The following PCDHGA1 variants were observed in gnomAD, a reference collection of about 807,000 sequenced individuals.
PCDHGA1 encodes the protein protocadherin gamma subfamily A, 1.
PCDHGA1 carries 32 observed loss-of-function variants against 58.0 expected under a neutral mutation model. The ratio of observed to expected loss-of-function variants is 0.55; its 90% CI spans 0.42 to 0.74. The LOEUF (loss-of-function observed/expected upper bound fraction) is 0.74, where lower values mean the gene tolerates loss of function less well. Among genes scored for constraint, PCDHGA1 ranks in the 30% least tolerant of loss-of-function variants. PCDHGA1 has a pLI of 0.00. For synonymous variants in PCDHGA1, 498 were observed against 501.1 expected (o/e 0.99, Z 0.08); for missense variants, 1,205 against 1,182.3 (o/e 1.02, Z -0.28).
chr5:141,477,656 C>A lies in PCDHGA1; in HGVS notation c.2422-17151C>A. ...AGTGGGTCGCTATTTCACAATAAAT[C>A]GTGACAATGGCATAGTGTCATCCTT... On this transcript the variant is annotated intron_variant, in intron 1 of 3. Transcript: ENST00000517417. The surrounding 1 kb of genome is among the most constrained non-coding windows in gnomAD (Gnocchi z 4.9). 1 of 1,614,184 alleles carries A rather than the reference C, an allele frequency of 6.2e-7. No homozygotes were observed.
At chr5:141,333,264 C>A in intron 1 of PCDHGA1, 159 bp downstream of exon 1, 1 of 1,006,436 alleles carries the variant, frequency 9.9e-7, no homozygotes, top group Non-Finnish European at 1.4e-6. Context: ...TCTACACGTT[C>A]ATATGCAGGT....
chr5:141,445,389 C>T (rs1484183450), intron 1 of PCDHGA1, among the ~76,000 whole-genome samples: 1 of 152,174 alleles, frequency 6.6e-6, no homozygotes, highest in Non-Finnish European at 1.5e-5. Flanking sequence ...CATTCATTTA[C>T]ATAACAAATA....
chr5:141,423,082 G>A (rs1390567548), intron 1 of PCDHGA1: 3 of 1,614,078 alleles, frequency 1.9e-6, no homozygotes, highest in Admixed American at 1.7e-5. Flanking sequence ...GGGACTCTTC[G>A]CGGTGGGGGA....
At chr5:141,357,235 A>C in intron 1 of PCDHGA1, 1 of 1,613,530 alleles carries the variant, frequency 6.2e-7, no homozygotes, top group Non-Finnish European at 8.5e-7. Context: ...GGGCAGCCTC[A>C]AGCCTTCAGC....
rs2099694486 is a variant in PCDHGA1 at position 141,489,987 on chromosome 5, G to A, written c.2422-4820G>A. The A allele has an allele frequency of 1.2e-6, 2 of 1,614,106 alleles. No homozygotes were observed. The highest frequency in any genetic ancestry group is 1.3e-5 in the African/African-American group (1 of 74,932). The stretch of plus-strand genomic sequence containing the variant: ...CCTTCCAATCCTCAGTTCTACGTGT[G>A]GGAATCCCAGAGAATGCACCCATTG... On this transcript the variant is annotated intron_variant, in intron 1 of 3. Coordinates refer to ENST00000517417, the MANE Select transcript of PCDHGA1 (RefSeq NM_018912.3). The surrounding 1 kb of genome is among the most constrained non-coding windows in gnomAD (Gnocchi z 4.5).
intron 1 of PCDHGA1, chr5:141,478,104 C>T (rs1440105341): frequency 6.2e-7 from 1 of 1,614,118 alleles, no homozygotes; most frequent in South Asian, 1.1e-5. Flanking sequence ...GCTACCCTCA[C>T]TGTGTCAGTA....
chr5:141,331,830 C>T lies in PCDHGA1; in HGVS notation c.1146C>T (p.Thr382=). ...HDQDSGDNGY[T]TCFIPGNLPF... Reference sequence around the variant, plus strand: ...AGGACTCAGGAGACAATGGCTACACCACATGTTTCATTCCTGGAAATTTAC... The same window carrying T: ...AGGACTCAGGAGACAATGGCTACACTACATGTTTCATTCCTGGAAATTTAC... Residue 382 remains threonine, a synonymous_variant, in exon 1 of 4, where the codon ACC becomes ACT. Coordinates refer to ENST00000517417, the MANE Select transcript of PCDHGA1 (RefSeq NM_018912.3). 6.2e-7 allele frequency: 1 copy of T among 1,614,134 alleles called. No homozygotes were observed. Among genetic ancestry groups the T allele is most frequent in the Non-Finnish European group, 8.5e-7 (1 of 1,180,022 alleles).
chr5:141,360,990 C>T (rs1486053605), intron 1 of PCDHGA1: 1 of 1,613,336 alleles, frequency 6.2e-7, no homozygotes, highest in Non-Finnish European at 8.5e-7. Context: ...ATAATGTGGA[C>T]GAACAAGTGA....
rs553673516 is a variant in PCDHGA1, at chr5:141,476,211, T to C, written c.2422-18596T>C. The C allele has an allele frequency of 5.4e-5, 87 of 1,613,942 alleles. No individual in the cohort carries two copies. The highest frequency in any genetic ancestry group is 7.0e-5 in the Non-Finnish European group (83 of 1,180,000). ...GGTGCCTTGAACAAGGCTTCCACGG[T>C]CATTCACTATGAGATCCCGGAGGAA... On this transcript the variant is annotated intron_variant, in intron 1 of 3. Coordinates refer to ENST00000517417, the MANE Select transcript of PCDHGA1 (RefSeq NM_018912.3). The surrounding 1 kb of genome is among the most constrained non-coding windows in gnomAD (Gnocchi z 7.6).
chr5:141,430,380 T>TG (rs1376875091), intron 1 of PCDHGA1, among the ~76,000 whole-genome samples: 2 of 147,890 alleles, frequency 1.4e-5, no homozygotes, highest in African/African-American at 5.0e-5. Context: ...AAAAGCTCAT[T>TG]GGGAAAAAAA....
intron 1 of PCDHGA1, chr5:141,414,744 C>T (rs1381345965): frequency 6.2e-7 from 1 of 1,614,210 alleles, no homozygotes; most frequent in Non-Finnish European, 8.5e-7. Context: ...CACTCAGATC[C>T]TTCGACTATG....
At position 141,511,124 on chromosome 5, in the gene PCDHGA1, C is replaced by G; in HGVS notation, c.2747C>G (p.Ala916Gly). 1.9e-6 allele frequency: 3 copies of G among 1,614,206 alleles called. No individual in the cohort carries two copies. Among genetic ancestry groups the G allele is most frequent in the Non-Finnish European group, 2.5e-6 (3 of 1,180,022 alleles). The change falls in exon 4 of 4, where the codon GCA (alanine) becomes GGA (glycine). Residue 916 changes from alanine to glycine, a missense_variant. Transcript: ENST00000517417. ...AAGKRDGKAP[A>G]GGNGNKKKSG... ...GGCAAGCGGGATGGCAAGGCCCCAG[C>G]AGGTGGCAATGGCAACAAGAAGAAG...
chr5:141,505,405 C>T lies in PCDHGA1; in HGVS notation c.2493C>T (p.Gly831=), dbSNP rs745516568. 2.5e-6 allele frequency: 4 copies of T among 1,614,130 alleles called. No individual in the cohort carries two copies. The highest frequency in any genetic ancestry group is 3.3e-4 in the Middle Eastern group (2 of 6,062). ...QRPGTSGSQN[G]DDTGTWPNNQ... ...ACTCTCTCCCCAGCTCCCAAAATGG[C>T]GATGACACCGGCACCTGGCCCAACA... Residue 831 remains glycine (G), a synonymous_variant, in exon 3 of 4, where the codon GGC becomes GGT. Transcript: ENST00000517417.
chr5:141,403,685 C>A, intron 1 of PCDHGA1: 1 of 1,613,822 alleles, frequency 6.2e-7, no homozygotes, highest in Non-Finnish European at 8.5e-7. Flanking sequence ...TTTTGCTCAA[C>A]GGATTTACCG....
rs368785983 is a variant in PCDHGA1 at position 141,393,012 on chromosome 5, G to A, written c.2421+59907G>A. The A allele has an allele frequency of 1.4e-5, 23 of 1,613,724 alleles. No homozygotes were observed. Among genetic ancestry groups the A allele is most frequent in the Non-Finnish European group, 1.9e-5 (23 of 1,179,884 alleles). ...GCTGGCGAAGCACGGAGTCCGTATC[G>A]TCTCCAGAGGTAGGACGCAGCTCTT... On this transcript the variant is annotated intron_variant, in intron 1 of 3. Transcript: ENST00000517417.
At chr5:141,374,556 A>G in intron 1 of PCDHGA1, 3 of 1,613,690 alleles carry the variant, frequency 1.9e-6, no homozygotes, top group Non-Finnish European at 1.7e-6. Context: ...ATGGAGGTCT[A>G]TGACCCTGAT....
At chr5:141,494,965 C>T in intron 2 of PCDHGA1, 100 bp downstream of exon 2, 1 of 1,592,636 alleles carries the variant, frequency 6.3e-7, no homozygotes, top group Non-Finnish European at 8.6e-7. Context: ...CTACAGATGG[C>T]TTCTCCCTCA....
intron 1 of PCDHGA1, chr5:141,394,974 A>T: frequency 6.2e-7 from 1 of 1,613,852 alleles, no homozygotes; most frequent in Non-Finnish European, 8.5e-7. Context: ...GCGCTGGCAC[A>T]AGTCACGCCT....
intron 1 of PCDHGA1, chr5:141,364,429 C>T (rs1297312122): frequency 1.9e-6 from 3 of 1,613,650 alleles, no homozygotes; most frequent in Admixed American, 1.7e-5. Flanking sequence ...AGATCCGCTA[C>T]TCGATGCCGG....
Sources: gnomAD v4.1 joint callset for allele counts (sites outside exome capture counted in the v4.1 genomes callset) on GRCh38, gnomAD v4.1.1 for gene constraint, Gnocchi (gnomAD v3.1) non-coding constraint, MANE v1.5 for transcripts, NCBI Gene and HGNC (gene_info 2026-07-23, HGNC 2026-07-21) for gene names.